The following TRIM7 variants were observed in gnomAD, a reference collection of about 807,000 sequenced individuals.
The protein encoded by TRIM7 is E3 ubiquitin-protein ligase TRIM7.
In TRIM7, 32 loss-of-function variants were observed where a neutral mutation model predicts 37.9. The ratio of observed to expected loss-of-function variants is 0.84; its 90% confidence interval spans 0.64 to 1.13. The LOEUF (loss-of-function observed/expected upper bound fraction) is 1.13. TRIM7 is among the 50% of genes most tolerant of loss of function. The pLI, the probability that TRIM7 is intolerant of heterozygous loss-of-function variation, is 0.00. For synonymous variants in TRIM7, 351 were observed against 321.3 expected (o/e 1.09, Z -0.99); for missense variants, 732 against 714.0 (o/e 1.03, Z -0.29).
rs1418778641 is a variant in TRIM7, at chr5:181,203,594, T to C, written c.569A>G (p.Asp190Gly). ...TTCCGTGGACCGGAACACCTCACAG[T>C]CCTCCAGTTCCTTCTTCAAGACCCT... ...RLRVLKKELE[D>G]CEVFRSTEKK... The change falls in exon 2 of 7, where the codon GAC (aspartate) becomes GGC (glycine). Residue 190 changes from aspartate to glycine, a missense_variant. Coordinates refer to ENST00000274773, the MANE Select transcript of TRIM7 (RefSeq NM_203293.3). The C allele has an allele frequency of 2.5e-6, 4 of 1,613,924 alleles. 1 individual carries two copies. In the East Asian group the frequency reaches 8.9e-5, roughly 36 times the overall value.
In TRIM7 at chr5:181,195,386, C is replaced by T. The variant is rs891393446; in HGVS notation, c.1316G>A (p.Gly439Asp). The T allele has an allele frequency of 1.3e-6, 2 of 1,583,900 alleles. No homozygotes were observed. The highest frequency in any genetic ancestry group is 1.7e-6 in the Non-Finnish European group (2 of 1,165,260). ...EEGVWALQLN[G>D]GQYWAVTSPE... The stretch of plus-strand genomic sequence containing the variant: ...GCTGGTCACGGCCCAGTACTGGCCG[C>T]CGTTGAGCTGCAGGGCCCAGACGCC... Residue 439 changes from glycine (G) to aspartate (D), a missense_variant, in exon 7 of 7, where the codon GGC becomes GAC. Physicochemically the swap from Gly to Asp is moderately conservative, Grantham distance 94. Transcript: ENST00000274773.
intron 6 of TRIM7, 156 bp from the exon 7 acceptor site, chr5:181,195,833 G>T: frequency 1.1e-6 from 1 of 914,970 alleles, no homozygotes; most frequent in Non-Finnish European, 1.5e-6. Context: ...CCCACGCTCT[G>T]CCTCCCAGAG....
intron 2 of TRIM7, among the ~76,000 whole-genome samples, chr5:181,201,689 C>T (rs754922850): frequency 5.9e-5 from 9 of 152,230 alleles, no homozygotes; most frequent in South Asian, 2.1e-4. Flanking sequence ...ATCGCTTGAA[C>T]GACTCCAGCC....
chr5:181,204,591 T>C lies in TRIM7; in HGVS notation c.520A>G (p.Lys174Glu). 7.1e-7 allele frequency: 1 copy of C among 1,417,284 alleles called. No individual in the cohort carries two copies. The highest frequency in any genetic ancestry group is 9.1e-7 in the Non-Finnish European group (1 of 1,094,418). The allele number at this position is 1,417,284 out of a possible 1,614,324, so 87.8% of individuals were successfully genotyped here. Residue 174 changes from lysine (K) to glutamate (E), a missense_variant and splice_region_variant, in exon 1 of 7, where the codon AAG becomes GAG. By Grantham distance (56) the Lys-to-Glu change is moderately conservative. Transcript: ENST00000274773. ...LPLDEAVQEA[K>E]ELLESRLRVL... is the part of the protein sequence containing the mutation. ...GGGTGGGTGGGGGCTGCGCTCACCTTGGCCTCCTGCACCGCCTCGTCCAGC... is the reference window on the plus strand; with the variant it reads ...GGGTGGGTGGGGGCTGCGCTCACCTCGGCCTCCTGCACCGCCTCGTCCAGC...
chr5:181,198,622 C>A lies in TRIM7; in HGVS notation c.988+68G>T, dbSNP rs534919930. 5 of 1,097,462 alleles carry A rather than the reference C, an allele frequency of 4.6e-6. No homozygotes were observed. In the East Asian group the frequency reaches 1.2e-4, roughly 26 times the overall value. 68.0% of individuals were successfully genotyped at this position (1,097,462 alleles called of 1,614,324 possible). On this transcript the variant is annotated intron_variant, in intron 5 of 6. Transcript: ENST00000274773. Reference sequence around the variant, plus strand: ...GCTTCTGGAAAGCACACCCAGGGACCCCTGAGCTACCAGGAACCCTCCACC... The same window carrying A: ...GCTTCTGGAAAGCACACCCAGGGACACCTGAGCTACCAGGAACCCTCCACC...
chr5:181,205,142 G>T lies in TRIM7; in HGVS notation c.-32C>A, dbSNP rs1757748854. On this transcript the variant is annotated 5_prime_UTR_variant, in exon 1 of 7. Transcript: ENST00000274773. ...TCTCCGCGCACCCAGATCTGGTCGC[G>T]CCTGGGCGGCCACTGGACCTCACAG... 2 of 1,280,828 alleles carry T rather than the reference G, an allele frequency of 1.6e-6. No individual in the cohort carries two copies. The highest frequency in any genetic ancestry group is 2.0e-6 in the Non-Finnish European group (2 of 1,013,662). 79.3% of individuals were successfully genotyped at this position (1,280,828 alleles called of 1,614,324 possible). A position where few individuals can be genotyped will look rare whatever the true frequency, so the allele number is the denominator to read the frequency against.
chr5:181,200,604 G>A, intron 2 of TRIM7: 6 of 1,002,430 alleles, frequency 6.0e-6, no homozygotes, highest in Non-Finnish European at 7.1e-6. Context: ...TAGAAAGAAG[G>A]AAGAAAAGTC....
At chr5:181,199,251 G>T in intron 3 of TRIM7, 134 bp from the exon 4 acceptor site, 1 of 1,001,140 alleles carries the variant, frequency 1.0e-6, no homozygotes, top group East Asian at 2.5e-5. Flanking sequence ...TGCCTGCGTG[G>T]GCCTCAGGGG....
In TRIM7 at chr5:181,195,331, G is replaced by A; in HGVS notation, c.1371C>T (p.His457=). Residue 457 remains histidine (H), a synonymous_variant, in exon 7 of 7, where the codon CAC becomes CAT. Coordinates refer to ENST00000274773, the MANE Select transcript of TRIM7 (RefSeq NM_203293.3). ...SPERSPLSCG[H]LSRVRVALDL... ...CCAGGGCCACCCGCACGCGCGACAG[G>A]TGCCCGCAGCTGAGGGGCGACCGCT... is the stretch of plus-strand genomic sequence containing the variant. The A allele has an allele frequency of 6.3e-7, 1 of 1,590,334 alleles. No homozygotes were observed. Among genetic ancestry groups the A allele is most frequent in the Non-Finnish European group, 8.6e-7 (1 of 1,168,886 alleles).
rs754838547 is a variant in TRIM7, at chr5:181,198,218, T to C, written c.989A>G (p.Glu330Gly). The C allele has an allele frequency of 5.0e-6, 8 of 1,614,114 alleles. No individual in the cohort carries two copies. The highest frequency in any genetic ancestry group is 6.8e-6 in the Non-Finnish European group (8 of 1,179,994). The change falls in exon 6 of 7, where the codon GAG (glutamate) becomes GGG (glycine). Residue 330 changes from glutamate to glycine, a missense_variant and splice_region_variant. By Grantham distance (98) the Glu-to-Gly change is moderately conservative. Coordinates refer to ENST00000274773, the MANE Select transcript of TRIM7 (RefSeq NM_203293.3). ...TTTCTCCAGCTCTCCCCGAAGGTCCTCTGAGGAGGAGAAACAAAGCAAGGC... is the reference window on the plus strand; with the variant it reads ...TTTCTCCAGCTCTCCCCGAAGGTCCCCTGAGGAGGAGAAACAAAGCAAGGC... ...VLKGMLKKFK[E>G]DLRGELEKEE...
rs773663334 is a variant in TRIM7 at position 181,195,597 on chromosome 5, G to A, written c.1105C>T (p.Arg369Trp). 3.8e-6 allele frequency: 6 copies of A among 1,589,808 alleles called. No individual in the cohort carries two copies. The highest frequency in any genetic ancestry group is 4.5e-5 in the East Asian group (2 of 44,386). Residue 369 changes from arginine (R) to tryptophan (W), a missense_variant, in exon 7 of 7, where the codon CGG (arginine) becomes TGG (tryptophan). Arg to Trp is a moderately radical substitution (Grantham distance 101). Coordinates refer to ENST00000274773, the MANE Select transcript of TRIM7 (RefSeq NM_203293.3). ...GGGTGGTTGGGCAGGTCCTGGGCCC[G>A]CTCGCCGAGGCGCACGCCCTTAAGA... ...LDLKGVRLGE[R>W]AQDLPNHPCR...
intron 2 of TRIM7, chr5:181,200,526 T>C: frequency 9.5e-7 from 1 of 1,054,224 alleles, no homozygotes; most frequent in South Asian, 3.6e-5. Flanking sequence ...TTAAAGGCCA[T>C]CTTTCCTGTT....
At chr5:181,203,000 A>G (rs1472293598) in intron 2 of TRIM7, 1 of 154,330 alleles carries the variant, frequency 6.5e-6, no homozygotes, top group Non-Finnish European at 1.4e-5. Context: ...AGCAGGGGCT[A>G]CTGTAAACCC....
In TRIM7 at chr5:181,195,384, C is replaced by G; in HGVS notation, c.1318G>C (p.Gly440Arg). Residue 440 changes from glycine (G) to arginine (R), a missense_variant, in exon 7 of 7, where the codon GGC (glycine) becomes CGC (arginine). Gly to Arg is a moderately radical substitution (Grantham distance 125). Transcript: ENST00000274773. ...GGGCTGGTCACGGCCCAGTACTGGC[C>G]GCCGTTGAGCTGCAGGGCCCAGACG... ...EGVWALQLNG[G>R]QYWAVTSPER... is the part of the protein sequence containing the mutation. The G allele has an allele frequency of 6.3e-7, 1 of 1,582,414 alleles. No individual in the cohort carries two copies. Among genetic ancestry groups the G allele is most frequent in the Non-Finnish European group, 8.6e-7 (1 of 1,164,442 alleles).
intron 1 of TRIM7, chr5:181,203,915 C>T (rs926324047): frequency 2.0e-5 from 24 of 1,185,622 alleles, no homozygotes; most frequent in Non-Finnish European, 2.4e-5. Flanking sequence ...TCCGCCCCCC[C>T]ACCAGGAAGC....
In TRIM7 at chr5:181,195,590, T is replaced by G. The variant is rs746514946; in HGVS notation, c.1112A>C (p.Gln371Pro). 6.3e-7 allele frequency: 1 copy of G among 1,597,028 alleles called. No homozygotes were observed. Among genetic ancestry groups the G allele is most frequent in the South Asian group, 1.1e-5 (1 of 90,008 alleles). ...LKGVRLGERA[Q>P]DLPNHPCRFD... ...GCGGCAGGGGTGGTTGGGCAGGTCC[T>G]GGGCCCGCTCGCCGAGGCGCACGCC... The change falls in exon 7 of 7, where the codon CAG becomes CCG. Residue 371 changes from glutamine to proline, a missense_variant. Coordinates refer to ENST00000274773, the MANE Select transcript of TRIM7 (RefSeq NM_203293.3).
chr5:181,197,910 G>C (rs1757229759), intron 6 of TRIM7: 1 of 521,796 alleles, frequency 1.9e-6, no homozygotes, highest in Non-Finnish European at 3.4e-6. Context: ...GGCTCACCCA[G>C]GTGGCCGAGA....
chr5:181,197,010 T>C (rs1757165686), intron 6 of TRIM7: 1 of 151,790 alleles, frequency 6.6e-6, no homozygotes, highest in African/African-American at 2.4e-5. Flanking sequence ...ACATAGAAAA[T>C]TTAGCCAGGC....
In TRIM7 at chr5:181,195,613, G is replaced by A. The variant is rs1356878393; in HGVS notation, c.1089C>T (p.Gly363=). Residue 363 remains glycine, a synonymous_variant, in exon 7 of 7, where the codon GGC becomes GGT. Coordinates refer to ENST00000274773, the MANE Select transcript of TRIM7 (RefSeq NM_203293.3). ...PRLILSLDLK[G]VRLGERAQDL... ...CCTGGGCCCGCTCGCCGAGGCGCACGCCCTTAAGATCCAGAGAGAGGATGA... is the reference window on the plus strand; with the variant it reads ...CCTGGGCCCGCTCGCCGAGGCGCACACCCTTAAGATCCAGAGAGAGGATGA... The A allele has an allele frequency of 6.3e-7, 1 of 1,578,406 alleles. No individual in the cohort carries two copies. The highest frequency in any genetic ancestry group is 8.6e-7 in the Non-Finnish European group (1 of 1,159,278).
Sources: allele counts gnomAD v4.1 joint callset (sites outside exome capture counted in the v4.1 genomes callset), GRCh38; gene constraint gnomAD v4.1.1; transcripts MANE v1.5; gene names NCBI Gene and HGNC (gene_info 2026-07-23, HGNC 2026-07-21).